CCDC141: variants seen among roughly 807,000 people sequenced by gnomAD.
The protein encoded by CCDC141 is coiled-coil domain-containing protein 141.
A neutral mutation model predicts 181.0 loss-of-function variants in CCDC141; 168 were observed. The observed-to-expected ratio is 0.93, with a 90% CI of 0.82 to 1.05. The LOEUF (loss-of-function observed/expected upper bound fraction) is 1.05. CCDC141 is among the 50% of genes least tolerant of loss of function. The probability of loss-of-function intolerance (pLI) is 0.00; values close to 1 mark genes in which losing one functional copy is unlikely to be tolerated. For synonymous variants in CCDC141, 666 were observed against 642.3 expected (o/e 1.04, Z -0.56); for missense variants, 1,902 against 1,788.5 (o/e 1.06, Z -1.14).
At chr2:178,899,581 G>A (rs975294468) in intron 8 of CCDC141, among the ~76,000 whole-genome samples, 1 of 152,166 alleles carries the variant, frequency 6.6e-6, no homozygotes, top group Non-Finnish European at 1.5e-5. Flanking sequence ...CACTCAGAAT[G>A]TATGAACTAA....
Position 179,006,852 on chromosome 2 carries a change from C to T in CCDC141, c.226-28177G>A, listed in dbSNP as rs189488545. Reference sequence around the variant, plus strand: ...ATTAAACTCTAATAGGAAAATTAAGCCACCTATTGATTTTTTTCTTTTCTT... The same window carrying T: ...ATTAAACTCTAATAGGAAAATTAAGTCACCTATTGATTTTTTTCTTTTCTT... On this transcript the variant is annotated intron_variant, in intron 2 of 23. Coordinates refer to ENST00000443758, the MANE Select transcript of CCDC141 (RefSeq NM_173648.4). Among the ~76,000 whole-genome samples the T allele has an allele frequency of 1.0e-3, 152 of 152,214 alleles. 1 individual carries two copies. Among genetic ancestry groups the T allele is most frequent in the African/African-American group, 3.3e-3 (139 of 41,542 alleles).
At chr2:179,047,182 A>T in intron 2 of CCDC141, 102 bp downstream of exon 2, 2 of 1,001,020 alleles carry the variant, frequency 2.0e-6, no homozygotes, top group Non-Finnish European at 2.7e-6. Flanking sequence ...GTACCATATT[A>T]AAGTGGCCCT....
rs1214593673 is a variant in CCDC141 at position 178,895,910 on chromosome 2, T to C, written c.1266-7242A>G. Among the ~76,000 whole-genome samples, 3 of 152,142 alleles carry C rather than the reference T, an allele frequency of 2.0e-5. No individual in the cohort carries two copies. In the East Asian group the frequency reaches 5.8e-4, roughly 29 times the overall value. On this transcript the variant is annotated intron_variant, in intron 8 of 23. Transcript: ENST00000443758. Reference sequence around the variant, plus strand: ...AGATTGTTTTTGTTTGTTAAGATCTTTGTAAATATTTTCACTGTGTTAAGG... The same window carrying C: ...AGATTGTTTTTGTTTGTTAAGATCTCTGTAAATATTTTCACTGTGTTAAGG...
At chr2:178,937,857 C>T (rs1451717020) in intron 6 of CCDC141, among the ~76,000 whole-genome samples, 3 of 151,772 alleles carry the variant, frequency 2.0e-5, no homozygotes, top group East Asian at 1.9e-4. Flanking sequence ...TAGAGGTGTT[C>T]GTTGTAGTTT....
Position 178,949,265 on chromosome 2 carries a change from T to C in CCDC141, c.781-4614A>G, listed in dbSNP as rs141946189. Among the ~76,000 whole-genome samples the C allele has an allele frequency of 1.8e-3, 272 of 152,256 alleles. 5 individuals are homozygous for C. The South Asian group carries it at 0.023, about 13-fold the overall frequency. On this transcript the variant is annotated intron_variant, in intron 5 of 23. Transcript: ENST00000443758. ...AATGAAGAAGGTAAAAGAAGTTAAC[T>C]AGCCTTCCTTCCAACAGAAGTATTA...
chr2:178,897,974 G>A (rs1183062799), intron 8 of CCDC141, among the ~76,000 whole-genome samples: 1 of 152,144 alleles, frequency 6.6e-6, no homozygotes, highest in East Asian at 1.9e-4. Flanking sequence ...TGATGCTTAG[G>A]GAGAGATGAG....
chr2:178,868,674 C>T (rs542219944), intron 15 of CCDC141, among the ~76,000 whole-genome samples: 48 of 23,766 alleles, frequency 2.0e-3, no homozygotes, highest in Admixed American at 4.0e-3. Context: ...TGAATTGGGG[C>T]GGGGGAGAGG....
intron 2 of CCDC141, among the ~76,000 whole-genome samples, chr2:178,981,312 A>G (rs1415387528): frequency 6.6e-6 from 1 of 152,076 alleles, no homozygotes; most frequent in East Asian, 1.9e-4. Context: ...TCAAGCTTAC[A>G]TGGAACATAC....
the CCDC141 span, chr2:178,817,394 T>G: frequency 9.8e-6 from 4 of 409,034 alleles, no homozygotes; most frequent in African/African-American, 8.3e-5. Context: ...GAAACTACTG[T>G]TGGTTTAGGA....
chr2:178,983,247 T>G (rs1284597653), intron 2 of CCDC141, among the ~76,000 whole-genome samples: 1 of 152,050 alleles, frequency 6.6e-6, no homozygotes, highest in Non-Finnish European at 1.5e-5. Flanking sequence ...GACCTGCAGC[T>G]GAGGGTCCTG....
At chr2:178,842,622 T>C (rs891142827) in intron 22 of CCDC141, among the ~76,000 whole-genome samples, 1 of 152,212 alleles carries the variant, frequency 6.6e-6, no homozygotes, top group African/African-American at 2.4e-5. Context: ...ACTACATATG[T>C]GGTAAATTTG....
chr2:178,884,630 A>AC (rs1481711169), intron 11 of CCDC141, among the ~76,000 whole-genome samples: 28 of 151,372 alleles, frequency 1.8e-4, no homozygotes, highest in Non-Finnish European at 3.4e-4. Flanking sequence ...AAGTTCCCCA[A>AC]CCCCCCTTTG....
At chr2:178,887,319 C>A (rs1327691526) in intron 9 of CCDC141, among the ~76,000 whole-genome samples, 1 of 152,080 alleles carries the variant, frequency 6.6e-6, no homozygotes, top group Non-Finnish European at 1.5e-5. Flanking sequence ...TGGGGGAGCA[C>A]CAAACCCTGG....
rs555379161 is a variant in CCDC141 at position 178,996,251 on chromosome 2, T to C, written c.226-17576A>G. 2.0e-5 allele frequency among the ~76,000 whole-genome samples: 3 copies of C among 152,126 alleles called. No homozygotes were observed. The South Asian group carries it at 6.3e-4, about 32-fold the overall frequency. ...CACCACCATGCCTGGCTAATTTTTG[T>C]ATTTTTAGTAGAGACGGGGTTTTGG... On this transcript the variant is annotated intron_variant, in intron 2 of 23. Transcript: ENST00000443758.
chr2:178,822,233 A>G, the CCDC141 span, among the ~76,000 whole-genome samples: 1 of 151,806 alleles, frequency 6.6e-6, no homozygotes, highest in Non-Finnish European at 1.5e-5. Flanking sequence ...CAGGAAGGGG[A>G]ACATCACACA....
intron 11 of CCDC141, among the ~76,000 whole-genome samples, chr2:178,883,469 G>T (rs1435653103): frequency 6.6e-6 from 1 of 152,072 alleles, no homozygotes; most frequent in Non-Finnish European, 1.5e-5. Context: ...AGTCAGAAAG[G>T]ACAAACCGGT....
At chr2:178,983,352 A>G (rs899251489) in intron 2 of CCDC141, among the ~76,000 whole-genome samples, 1 of 152,228 alleles carries the variant, frequency 6.6e-6, no homozygotes, top group African/African-American at 2.4e-5. Flanking sequence ...AGATAAAACC[A>G]CGAAGAGGGG....
At chr2:178,874,001 T>C (rs1343849905) in intron 12 of CCDC141, 1 of 152,168 alleles carries the variant, frequency 6.6e-6, no homozygotes. Context: ...TCTTAATGAT[T>C]TTTAGATGAA....
intron 22 of CCDC141, among the ~76,000 whole-genome samples, chr2:178,838,036 G>T (rs1039512402): frequency 6.6e-6 from 1 of 152,100 alleles, no homozygotes; most frequent in Non-Finnish European, 1.5e-5. Flanking sequence ...TGAAGGGGTT[G>T]GACTAGATCA....
Sources: gnomAD v4.1 joint callset for allele counts (sites outside exome capture counted in the v4.1 genomes callset) on GRCh38, gnomAD v4.1.1 for gene constraint, MANE v1.5 for transcripts, NCBI Gene and HGNC (gene_info 2026-07-23, HGNC 2026-07-21) for gene names.